PKD2: variants seen among roughly 807,000 people sequenced by gnomAD.
PKD2 encodes the protein polycystin 2, transient receptor potential cation channel.
PKD2 carries 48 observed loss-of-function variants against 105.9 expected under a neutral mutation model. That is an observed-to-expected ratio of 0.45 (90% CI 0.36 to 0.58). PKD2 has a LOEUF of 0.58. PKD2 is among the 20% of genes least tolerant of loss of function. The probability of loss-of-function intolerance (pLI) is 0.00; values close to 1 mark genes in which losing one functional copy is unlikely to be tolerated. For missense variants in PKD2, 1,078 were observed against 1,255.3 expected, an observed-to-expected ratio of 0.86 and a Z score of 2.13; for synonymous variants, 464 against 481.1, an observed-to-expected ratio of 0.96 and a Z score of 0.46.
intron 9 of PKD2, among the ~76,000 whole-genome samples, chr4:88,059,749 A>G (rs1345298541): frequency 4.0e-5 from 6 of 148,336 alleles, no homozygotes; most frequent in African/African-American, 7.3e-5. Flanking sequence ...ACATACGTAC[A>G]TACATACATA....
chr4:88,072,328 G>T (rs1486327676), intron 13 of PKD2, among the ~76,000 whole-genome samples: 1 of 151,856 alleles, frequency 6.6e-6, no homozygotes, highest in African/African-American at 2.4e-5. Flanking sequence ...TCTTTCCCTG[G>T]TTCTCTCTGG....
At chr4:88,062,522 A>G (rs1345236993) in intron 10 of PKD2, among the ~76,000 whole-genome samples, 3 of 152,260 alleles carry the variant, frequency 2.0e-5, no homozygotes, top group African/African-American at 7.2e-5. Flanking sequence ...GGGGCCTGAG[A>G]ACTTTTACTT....
chr4:88,038,213 G>T, intron 3 of PKD2, 38 bp from the exon 4 acceptor site: 1 of 1,612,660 alleles, frequency 6.2e-7, no homozygotes, highest in Non-Finnish European at 8.5e-7. Context: ...CAGCGGCTGA[G>T]CTTGGAACTT....
intron 3 of PKD2, among the ~76,000 whole-genome samples, chr4:88,037,795 A>G (rs1727391427): frequency 6.6e-6 from 1 of 152,262 alleles, no homozygotes; most frequent in African/African-American, 2.4e-5. Context: ...AGTTCACCAT[A>G]CAGCAAAATA....
intron 1 of PKD2, among the ~76,000 whole-genome samples, chr4:88,011,019 G>A (rs977604160): frequency 3.3e-5 from 5 of 152,202 alleles, no homozygotes; most frequent in African/African-American, 1.2e-4. Context: ...GCAGCATGGT[G>A]TACAGGAGAG....
At chr4:88,072,096 C>T (rs939605673) in intron 13 of PKD2, among the ~76,000 whole-genome samples, 2 of 151,350 alleles carry the variant, frequency 1.3e-5, no homozygotes, top group Non-Finnish European at 2.9e-5. Flanking sequence ...AATCTTCCCA[C>T]CTCAGCTTCT....
chr4:88,014,774 G>C (rs1454632892), intron 1 of PKD2, among the ~76,000 whole-genome samples: 1 of 152,182 alleles, frequency 6.6e-6, no homozygotes, highest in Non-Finnish European at 1.5e-5. Flanking sequence ...TACCACTCTG[G>C]AATCTGGACC....
chr4:88,066,363 CTTTTTTTTT>C (rs36207866), intron 12 of PKD2, among the ~76,000 whole-genome samples: 11,863 of 137,516 alleles, frequency 0.086, 668 homozygotes, highest in East Asian at 0.25. Flanking sequence ...ACTTTTTTTT[CTTTTTTTTT>C]TTTTTTTGAG....
At chr4:88,050,231 C>G (rs982672744) in intron 6 of PKD2, among the ~76,000 whole-genome samples, 2 of 152,090 alleles carry the variant, frequency 1.3e-5, no homozygotes, top group South Asian at 4.1e-4. Context: ...ACCTCAGCCT[C>G]CCAAAGTGCT....
rs1273223177 is a variant in PKD2, at chr4:88,052,111, C to T, written c.1669C>T (p.Gln557Ter). The change falls in exon 7 of 15, where the codon CAG becomes TAG. Residue 557 changes from glutamine to a stop codon, truncating the protein, a stop_gained. Transcript: ENST00000237596. LOFTEE classifies it high-confidence loss of function. ...TGAGCATCTGGCATATTGGCAGATA[C>T]AGTTCAACAATATAGCTGCTGTCAC... ...NFEHLAYWQI[Q>*]FNNIAAVTVF... 1 of 1,607,396 alleles carries T rather than the reference C, an allele frequency of 6.2e-7. No individual in the cohort carries two copies. The highest frequency in any genetic ancestry group is 8.5e-7 in the Non-Finnish European group (1 of 1,174,168).
At chr4:88,048,580 T>C (rs965661131) in intron 6 of PKD2, among the ~76,000 whole-genome samples, 21 of 152,200 alleles carry the variant, frequency 1.4e-4, no homozygotes, top group Non-Finnish European at 2.8e-4. Flanking sequence ...TTGTTCCTCA[T>C]ACTAACCCTC....
At chr4:88,059,580 C>A (rs1720488823) in intron 9 of PKD2, among the ~76,000 whole-genome samples, 1 of 152,074 alleles carries the variant, frequency 6.6e-6, no homozygotes, top group South Asian at 2.1e-4. Flanking sequence ...AGCCATCTTA[C>A]CAGATCTAGA....
intron 1 of PKD2, among the ~76,000 whole-genome samples, chr4:88,018,039 G>C (rs1452278148): frequency 6.6e-6 from 1 of 152,168 alleles, no homozygotes; most frequent in African/African-American, 2.4e-5. Flanking sequence ...ATCTAAATTT[G>C]TAATAATTCT....
chr4:88,015,917 C>T (rs1001610219), intron 1 of PKD2, among the ~76,000 whole-genome samples: 3 of 152,266 alleles, frequency 2.0e-5, no homozygotes, highest in East Asian at 3.9e-4. Context: ...CTTTTTGGCA[C>T]CAGGGACCGG....
At chr4:88,021,779 A>T (rs1024071335) in intron 2 of PKD2, among the ~76,000 whole-genome samples, 1 of 152,200 alleles carries the variant, frequency 6.6e-6, no homozygotes, top group Admixed American at 6.5e-5. Flanking sequence ...ACCTATACCA[A>T]GTATCTTTTT....
chr4:88,077,067 G>A lies in PKD2; in HGVS notation c.*1373G>A, dbSNP rs1721261793. On this transcript the variant is annotated 3_prime_UTR_variant, in exon 15 of 15. Coordinates refer to ENST00000237596, the MANE Select transcript of PKD2 (RefSeq NM_000297.4). ...AAAAAAAATCTTCTTTTACAGAAAT[G>A]TTGAGTAAGGTGACATTTTGAGCGC... The A allele has an allele frequency of 6.6e-6, 1 of 152,182 alleles. No homozygotes were observed. Among genetic ancestry groups the A allele is most frequent in the Admixed American group, 6.5e-5 (1 of 15,280 alleles). 9.4% of individuals were successfully genotyped at this position (152,182 alleles called of 1,614,324 possible). A position where few individuals can be genotyped will look rare whatever the true frequency, so the allele number is the denominator to read the frequency against.
At chr4:88,038,053 A>G (rs1219266189) in intron 3 of PKD2, among the ~76,000 whole-genome samples, 198 bp from the exon 4 acceptor site, 4 of 152,246 alleles carry the variant, frequency 2.6e-5, no homozygotes, top group Admixed American at 1.3e-4. Flanking sequence ...CTTGGTTCAG[A>G]GGACCCTGCT....
intron 1 of PKD2, among the ~76,000 whole-genome samples, chr4:88,018,963 T>C (rs927860841): frequency 2.0e-5 from 3 of 152,238 alleles, no homozygotes; most frequent in African/African-American, 7.2e-5. Flanking sequence ...TGTTTCTATA[T>C]TGAAGTGATT....
At chr4:88,065,942 CA>C (rs1260548565) in intron 12 of PKD2, 63 bp downstream of exon 12, 2 of 904,046 alleles carry the variant, frequency 2.2e-6, no homozygotes, top group Non-Finnish European at 3.8e-6. Flanking sequence ...ATGTATCAAA[CA>C]CTATAGAAGT....
Sources: gnomAD v4.1 joint callset for allele counts (sites outside exome capture counted in the v4.1 genomes callset) on GRCh38, gnomAD v4.1.1 for gene constraint, MANE v1.5 for transcripts, NCBI Gene and HGNC (gene_info 2026-07-23, HGNC 2026-07-21) for gene names.